STXBP6: variants seen among roughly 807,000 people sequenced by gnomAD.
STXBP6 encodes the protein syntaxin-binding protein 6.
A neutral mutation model predicts 26.9 loss-of-function variants in STXBP6; 21 were observed. The ratio of observed to expected loss-of-function variants is 0.78; its 90% CI spans 0.55 to 1.12. The LOEUF (loss-of-function observed/expected upper bound fraction) is 1.12. STXBP6 is among the 50% of genes most tolerant of loss of function. The pLI, the probability that STXBP6 is intolerant of heterozygous loss-of-function variation, is 0.00. For missense variants in STXBP6, 232 were observed against 257.9 expected (o/e 0.90, Z 0.69); for synonymous variants, 97 against 92.6 (o/e 1.05, Z -0.27).
intron 2 of STXBP6, among the ~76,000 whole-genome samples, chr14:24,892,609 G>T (rs1450800742): frequency 1.3e-5 from 2 of 152,046 alleles, no homozygotes; most frequent in African/African-American, 4.8e-5. Context: ...CCCTCTCCAT[G>T]TTGTCTTCCA....
chr14:24,880,105 A>G (rs2070301624), intron 2 of STXBP6, among the ~76,000 whole-genome samples: 1 of 152,192 alleles, frequency 6.6e-6, no homozygotes, highest in Admixed American at 6.5e-5. Context: ...CTGAACTGGC[A>G]TCTGTCTTCT....
Position 25,049,696 on chromosome 14 carries a change from C to T in STXBP6, c.-33+182G>A, listed in dbSNP as rs2075776405. On this transcript the variant is annotated intron_variant, in intron 1 of 5. Transcript: ENST00000323944. This position sits in a 1 kb window ranked among gnomAD's most constrained non-coding sequence, Gnocchi z 5.6. ...AAAGCAGCTGCGCCGGGGCGCGCGG[C>T]CCCCTCTCCCGCCACCCGCCAACTT... 1.0e-6 allele frequency: 1 copy of T among 985,750 alleles called. No individual in the cohort carries two copies. The highest frequency in any genetic ancestry group is 1.2e-6 in the Non-Finnish European group (1 of 830,220). The allele number at this position is 985,750 out of a possible 1,614,324, so 61.1% of individuals were successfully genotyped here.
intron 2 of STXBP6, among the ~76,000 whole-genome samples, chr14:24,937,984 T>C (rs2072663997): frequency 6.6e-6 from 1 of 152,216 alleles, no homozygotes; most frequent in African/African-American, 2.4e-5. Flanking sequence ...CAGAAACGTG[T>C]TGATGAGGTG....
At chr14:24,889,727 G>C (rs546259200) in intron 2 of STXBP6, among the ~76,000 whole-genome samples, 33 of 152,238 alleles carry the variant, frequency 2.2e-4, no homozygotes, top group African/African-American at 7.5e-4. Context: ...AGGGTTGGAA[G>C]ACGGGAAAAA....
chr14:24,914,506 AAGAC>A (rs1266815164), intron 2 of STXBP6, among the ~76,000 whole-genome samples: 2 of 152,152 alleles, frequency 1.3e-5, no homozygotes, highest in African/African-American at 4.8e-5. Flanking sequence ...CAAATTTTCA[AAGAC>A]AGGCTGGTTG....
chr14:25,002,359 C>CTTTTTTTTTTTTTTTCTTTTTTTT (rs1365586543), intron 1 of STXBP6, among the ~76,000 whole-genome samples: 12 of 121,366 alleles, frequency 9.9e-5, no homozygotes, highest in African/African-American at 4.0e-4. Flanking sequence ...ATTCTTATGA[C>CTTTTTTTTTTTTTTTCTTTTTTTT]TTTTTTTTTT....
intron 4 of STXBP6, among the ~76,000 whole-genome samples, chr14:24,836,829 AT>A (rs2138976452): frequency 6.6e-6 from 1 of 152,270 alleles, no homozygotes; most frequent in East Asian, 1.9e-4. Context: ...AAGATTTTTC[AT>A]GACTCTAATT....
At chr14:24,973,502 C>T (rs996162826) in intron 2 of STXBP6, among the ~76,000 whole-genome samples, 6 of 149,938 alleles carry the variant, frequency 4.0e-5, no homozygotes, top group Admixed American at 1.3e-4. Flanking sequence ...TCTCCTGTCT[C>T]AGCCGCCTGA....
Position 24,926,237 on chromosome 14 carries a change from T to C in STXBP6, c.154+48428A>G, listed in dbSNP as rs1430489361. Among the ~76,000 whole-genome samples, 12 of 152,066 alleles carry C rather than the reference T, an allele frequency of 7.9e-5. No homozygotes were observed. In the East Asian group the frequency reaches 2.0e-3, roughly 25 times the overall value. ...GTGAAGAAAAGGGAAAAAAAAAGCCTTGCTAAAGGGAGCAGAACGCTAGGG... is the reference window on the plus strand; with the variant it reads ...GTGAAGAAAAGGGAAAAAAAAAGCCCTGCTAAAGGGAGCAGAACGCTAGGG... On this transcript the variant is annotated intron_variant, in intron 2 of 5. Transcript: ENST00000323944.
intron 1 of STXBP6, among the ~76,000 whole-genome samples, chr14:24,978,415 T>G (rs1317030912): frequency 6.6e-6 from 1 of 152,208 alleles, no homozygotes; most frequent in African/African-American, 2.4e-5. Context: ...AGGAAGACAA[T>G]GCACAGGATT....
At position 24,977,912 on chromosome 14, in the gene STXBP6, A is replaced by C. The variant is rs183457982; in HGVS notation, c.-32-3062T>G. 1.2e-3 allele frequency among the ~76,000 whole-genome samples: 183 copies of C among 152,344 alleles called. 1 individual carries two copies. Among genetic ancestry groups the C allele is most frequent in the African/African-American group, 4.0e-3 (165 of 41,590 alleles). ...TTTTGTACTAAGTATCACAAGGATA[A>C]GGAATTTATAGGCATCACTCTTTAG... On this transcript the variant is annotated intron_variant, in intron 1 of 5. Coordinates refer to ENST00000323944, the MANE Select transcript of STXBP6 (RefSeq NM_001394410.1).
At chr14:24,863,937 A>T (rs558563337) in intron 2 of STXBP6, among the ~76,000 whole-genome samples, 155 of 152,312 alleles carry the variant, frequency 1.0e-3, no homozygotes, top group Admixed American at 2.0e-3. Context: ...CATGTAATAT[A>T]ACTGTGAAAC....
At chr14:24,880,890 T>G (rs1444879768) in intron 2 of STXBP6, among the ~76,000 whole-genome samples, 1 of 152,136 alleles carries the variant, frequency 6.6e-6, no homozygotes, top group African/African-American at 2.4e-5. Flanking sequence ...CTCTGAAAGG[T>G]CAGATGAGTC....
chr14:24,908,447 C>G (rs1175132303), intron 2 of STXBP6, among the ~76,000 whole-genome samples: 1 of 152,166 alleles, frequency 6.6e-6, no homozygotes, highest in South Asian at 2.1e-4. Context: ...TAAAAACTGC[C>G]TCCCATGTAC....
chr14:24,819,259 C>G (rs1428161703), intron 4 of STXBP6, 65 bp from the exon 5 acceptor site: 1 of 1,594,560 alleles, frequency 6.3e-7, no homozygotes, highest in East Asian at 2.2e-5. Flanking sequence ...CAGACTCCGG[C>G]AGGGTGAGTA....
Position 25,049,410 on chromosome 14 carries a change from C to G in STXBP6, c.-33+468G>C. ...GCAGTAATGATTTTCCTAGAAGATG[C>G]CAGAGTTCGCGAAGATCGGAGTGAT... On this transcript the variant is annotated intron_variant, in intron 1 of 5. Coordinates refer to ENST00000323944, the MANE Select transcript of STXBP6 (RefSeq NM_001394410.1). The surrounding 1 kb of genome is among the most constrained non-coding windows in gnomAD (Gnocchi z 5.6). The G allele has an allele frequency of 1.0e-6, 1 of 985,400 alleles. No individual in the cohort carries two copies. The allele number at this position is 985,400 out of a possible 1,614,324, so 61.0% of individuals were successfully genotyped here.
At chr14:25,020,444 A>C (rs1449746146) in intron 1 of STXBP6, among the ~76,000 whole-genome samples, 1 of 152,196 alleles carries the variant, frequency 6.6e-6, no homozygotes, top group Non-Finnish European at 1.5e-5. Flanking sequence ...TGTTCTTAAC[A>C]AATAACCAAT....
chr14:24,873,272 C>T (rs1403885411), intron 2 of STXBP6, among the ~76,000 whole-genome samples: 27 of 150,462 alleles, frequency 1.8e-4, no homozygotes, highest in Admixed American at 1.3e-3. Flanking sequence ...TTCTTCTCAA[C>T]GGTTTTCAGG....
chr14:24,874,929 T>G (rs528159063), intron 2 of STXBP6, among the ~76,000 whole-genome samples: 80 of 152,278 alleles, frequency 5.3e-4, no homozygotes, highest in African/African-American at 1.8e-3. Flanking sequence ...GTTTCTGCTA[T>G]CAAATCACCC....
Sources: gnomAD v4.1 joint callset for allele counts (sites outside exome capture counted in the v4.1 genomes callset) on GRCh38, gnomAD v4.1.1 for gene constraint, Gnocchi (gnomAD v3.1) non-coding constraint, MANE v1.5 for transcripts, NCBI Gene and HGNC (gene_info 2026-07-23, HGNC 2026-07-21) for gene names.